The following BTBD9 variants were observed in gnomAD, a reference collection of about 807,000 sequenced individuals.
BTBD9 encodes BTB domain containing 9.
A neutral mutation model predicts 64.3 loss-of-function variants in BTBD9; 49 were observed. That is an observed-to-expected ratio of 0.76 (90% CI 0.61 to 0.97). The LOEUF (loss-of-function observed/expected upper bound fraction) is 0.97. Among genes scored for constraint, BTBD9 ranks in the 50% least tolerant of loss-of-function variants. The pLI, the probability that BTBD9 is intolerant of heterozygous loss-of-function variation, is 0.00. For synonymous variants in BTBD9, 260 were observed against 274.7 expected (o/e 0.95, Z 0.53); for missense variants, 598 against 762.1 (o/e 0.78, Z 2.53).
intron 10 of BTBD9, among the ~76,000 whole-genome samples, chr6:38,177,970 G>A (rs1761354991): frequency 6.6e-6 from 1 of 152,166 alleles, no homozygotes; most frequent in African/African-American, 2.4e-5. Flanking sequence ...ATCAAGTTAG[G>A]GGACCCTGGA....
intron 1 of BTBD9, among the ~76,000 whole-genome samples, chr6:38,628,081 T>C (rs56133825): frequency 0.11 from 17,031 of 152,166 alleles, 1,167 homozygotes; most frequent in Non-Finnish European, 0.15. Flanking sequence ...AGATTATCTA[T>C]CTGGGAGTGG....
At position 38,617,651 on chromosome 6, in the gene BTBD9, G is replaced by T. The variant is rs560696070; in HGVS notation, c.-27-19530C>A. ...CAAAGCCAGGATATGGAGAGCCTCA[G>T]AAATTACAGACTCCAAAATTGGGGG... is the stretch of plus-strand genomic sequence containing the variant. On this transcript the variant is annotated intron_variant, in intron 1 of 10. Coordinates refer to ENST00000481247, the MANE Select transcript of BTBD9 (RefSeq NM_001099272.2). 3.3e-5 allele frequency among the ~76,000 whole-genome samples: 5 copies of T among 152,300 alleles called. No individual in the cohort carries two copies. In the South Asian group the frequency reaches 1.0e-3, roughly 32 times the overall value.
chr6:38,510,099 G>T (rs1186535716), intron 6 of BTBD9, among the ~76,000 whole-genome samples: 1 of 152,168 alleles, frequency 6.6e-6, no homozygotes, highest in African/African-American at 2.4e-5. Flanking sequence ...GTTCTTTCAT[G>T]ATGCCATCAG....
intron 1 of BTBD9, among the ~76,000 whole-genome samples, chr6:38,621,938 G>A (rs1032168080): frequency 6.6e-6 from 1 of 152,214 alleles, no homozygotes; most frequent in African/African-American, 2.4e-5. Flanking sequence ...AGTATTCCCT[G>A]ACCAAAACAG....
chr6:38,629,035 A>G lies in BTBD9; in HGVS notation c.-28+10765T>C, dbSNP rs546991747. 2.5e-4 allele frequency among the ~76,000 whole-genome samples: 38 copies of G among 152,260 alleles called. No homozygotes were observed. In the South Asian group the frequency reaches 7.9e-3, roughly 32 times the overall value. On this transcript the variant is annotated intron_variant, in intron 1 of 10. Transcript: ENST00000481247. ...AAATACGGAACAATATGAGTTTAAA[A>G]AAAAAAACAAAAACAATGATAGTAA...
At chr6:38,497,193 T>G (rs1771997104) in intron 6 of BTBD9, among the ~76,000 whole-genome samples, 1 of 152,216 alleles carries the variant, frequency 6.6e-6, no homozygotes, top group Non-Finnish European at 1.5e-5. Flanking sequence ...TCTTTTAGGA[T>G]GCAGTCTGTT....
At chr6:38,495,276 T>C (rs1044361347) in intron 6 of BTBD9, among the ~76,000 whole-genome samples, 19 of 152,244 alleles carry the variant, frequency 1.2e-4, no homozygotes, top group African/African-American at 4.6e-4. Flanking sequence ...GGATTCATTG[T>C]AATGATGCAA....
At chr6:38,571,322 G>T (rs1775756964) in intron 6 of BTBD9, among the ~76,000 whole-genome samples, 1 of 152,126 alleles carries the variant, frequency 6.6e-6, no homozygotes. Context: ...GAACAAAAGA[G>T]AAATGAAAGA....
chr6:38,544,927 CAAAAAAAAAAAAAAA>C (rs58694810), intron 6 of BTBD9, among the ~76,000 whole-genome samples: 25 of 48,284 alleles, frequency 5.2e-4, no homozygotes, highest in Admixed American at 1.6e-3. Flanking sequence ...AACTACATCT[CAAAAAAAAAAAAAAA>C]AAAAAAAAAA....
chr6:38,293,220 A>G (rs1001378843), intron 7 of BTBD9, among the ~76,000 whole-genome samples: 6 of 152,236 alleles, frequency 3.9e-5, no homozygotes, highest in Admixed American at 1.3e-4. Context: ...GGAAAAATCA[A>G]TATCGTGAAA....
chr6:38,378,626 C>T (rs1765792288), intron 6 of BTBD9, among the ~76,000 whole-genome samples: 1 of 151,604 alleles, frequency 6.6e-6, no homozygotes, highest in Non-Finnish European at 1.5e-5. Flanking sequence ...GTAATCCCAG[C>T]ACTTTGGGAG....
At chr6:38,405,920 G>A (rs1165891289) in intron 6 of BTBD9, among the ~76,000 whole-genome samples, 1 of 152,096 alleles carries the variant, frequency 6.6e-6, no homozygotes, top group Non-Finnish European at 1.5e-5. Context: ...TGTCTTTGGG[G>A]GAATAAAAGC....
intron 6 of BTBD9, among the ~76,000 whole-genome samples, chr6:38,483,340 G>A (rs1042821193): frequency 2.6e-5 from 4 of 151,940 alleles, no homozygotes; most frequent in Non-Finnish European, 2.9e-5. Context: ...CATACCGAAA[G>A]ACTGACTTTT....
At chr6:38,405,813 T>G (rs1179246973) in intron 6 of BTBD9, among the ~76,000 whole-genome samples, 1 of 152,176 alleles carries the variant, frequency 6.6e-6, no homozygotes, top group Non-Finnish European at 1.5e-5. Flanking sequence ...GCAGATCTTC[T>G]AGTGTTGGTC....
chr6:38,580,203 A>G lies in BTBD9; in HGVS notation c.1034+15T>C, dbSNP rs768604219. ...CAAACATAATGTCAGTTTCTAAGTCATGCTAATCACTTACCGGCTATCTCG... is the reference window on the plus strand; with the variant it reads ...CAAACATAATGTCAGTTTCTAAGTCGTGCTAATCACTTACCGGCTATCTCG... On this transcript the variant is annotated intron_variant, in intron 5 of 10. Coordinates refer to ENST00000481247, the MANE Select transcript of BTBD9 (RefSeq NM_001099272.2). The G allele has an allele frequency of 6.2e-7, 1 of 1,608,850 alleles. No individual in the cohort carries two copies. Among genetic ancestry groups the G allele is most frequent in the Non-Finnish European group, 8.5e-7 (1 of 1,175,426 alleles).
In BTBD9 at chr6:38,491,254, G is replaced by A. The variant is rs536771034; in HGVS notation, c.1154+86346C>T. Among the ~76,000 whole-genome samples the A allele has an allele frequency of 5.9e-5, 9 of 152,322 alleles. No homozygotes were observed. The South Asian group carries it at 1.4e-3, about 25-fold the overall frequency. On this transcript the variant is annotated intron_variant, in intron 6 of 10. Coordinates refer to ENST00000481247, the MANE Select transcript of BTBD9 (RefSeq NM_001099272.2). ...TGGAAATACCCGCAAACACAATATC[G>A]TGAAATAAGAATATGTGCTTTGAAG...
chr6:38,354,640 C>A (rs1041927757), intron 6 of BTBD9, among the ~76,000 whole-genome samples: 5 of 152,084 alleles, frequency 3.3e-5, no homozygotes, highest in African/African-American at 1.2e-4. Flanking sequence ...CATACTATCC[C>A]TAGACTGCTT....
chr6:38,302,247 T>C (rs1311055006), intron 7 of BTBD9, among the ~76,000 whole-genome samples: 4 of 152,006 alleles, frequency 2.6e-5, no homozygotes, highest in Non-Finnish European at 5.9e-5. Context: ...ACTGTAACTC[T>C]GTACCAGCTG....
chr6:38,416,021 T>A (rs141520311), intron 6 of BTBD9, among the ~76,000 whole-genome samples: 42 of 152,270 alleles, frequency 2.8e-4, no homozygotes, highest in African/African-American at 9.4e-4. Context: ...AAAACATCGC[T>A]AAGGCACTAT....
Sources: gnomAD v4.1 joint callset for allele counts (sites outside exome capture counted in the v4.1 genomes callset) on GRCh38, gnomAD v4.1.1 for gene constraint, MANE v1.5 for transcripts, NCBI Gene and HGNC (gene_info 2026-07-23, HGNC 2026-07-21) for gene names.